CTIF: variants seen among roughly 807,000 people sequenced by gnomAD.
CTIF encodes the protein cap binding complex dependent translation initiation factor, also known as CBP80/20-dependent translation initiation factor.
In CTIF, 21 loss-of-function variants were observed where a neutral mutation model predicts 66.0. That is an observed-to-expected ratio of 0.32 (90% CI 0.23 to 0.46). The LOEUF (loss-of-function observed/expected upper bound fraction) is 0.46, where lower values mean the gene tolerates loss of function less well. Among genes scored for constraint, CTIF ranks in the 20% least tolerant of loss-of-function variants. The pLI is 1.00. For missense variants in CTIF, 739 were observed against 812.7 expected (o/e 0.91, Z 1.10); for synonymous variants, 345 against 326.4 (o/e 1.06, Z -0.62).
chr18:48,781,075 T>G (rs1911165338), intron 9 of CTIF, among the ~76,000 whole-genome samples: 1 of 152,134 alleles, frequency 6.6e-6, no homozygotes, highest in Non-Finnish European at 1.5e-5. Flanking sequence ...TGAGCCCCCC[T>G]CTTCTTGTTG....
chr18:48,783,689 C>T (rs539740627), intron 9 of CTIF, among the ~76,000 whole-genome samples: 14 of 152,326 alleles, frequency 9.2e-5, no homozygotes, highest in African/African-American at 3.4e-4. Flanking sequence ...ACCCCACCTC[C>T]TCTATCCTCT....
chr18:48,579,123 CTTATTA>C (rs138970367), intron 1 of CTIF, among the ~76,000 whole-genome samples: 1 of 151,690 alleles, frequency 6.6e-6, no homozygotes, highest in Non-Finnish European at 1.5e-5. Context: ...ATACTCATAG[CTTATTA>C]TTATTATTAT....
At chr18:48,787,674 C>T (rs1398781056) in intron 9 of CTIF, among the ~76,000 whole-genome samples, 2 of 152,198 alleles carry the variant, frequency 1.3e-5, no homozygotes, top group Non-Finnish European at 2.9e-5. Flanking sequence ...GTGTGTCAGC[C>T]TCATCACGCA....
intron 7 of CTIF, among the ~76,000 whole-genome samples, chr18:48,744,131 C>A (rs1011645426): frequency 1.3e-5 from 2 of 152,188 alleles, no homozygotes; most frequent in Non-Finnish European, 2.9e-5. Context: ...ACCCTTCAGA[C>A]TGTGCCCAGA....
chr18:48,769,433 T>G (rs1410133487), intron 9 of CTIF, among the ~76,000 whole-genome samples: 1 of 152,252 alleles, frequency 6.6e-6, no homozygotes, highest in Non-Finnish European at 1.5e-5. Flanking sequence ...TAAAAATGGC[T>G]GGCATCTGAG....
chr18:48,561,961 A>G (rs146171068), intron 1 of CTIF, among the ~76,000 whole-genome samples: 2 of 152,328 alleles, frequency 1.3e-5, no homozygotes, highest in African/African-American at 4.8e-5. Flanking sequence ...CTGTTTCTTC[A>G]CGTACATCTA....
At chr18:48,741,262 G>C (rs954053416) in intron 7 of CTIF, among the ~76,000 whole-genome samples, 1 of 140,346 alleles carries the variant, frequency 7.1e-6, no homozygotes, top group Non-Finnish European at 1.5e-5. Flanking sequence ...GCCAGGGTCT[G>C]CTCTTTACTC....
At chr18:48,685,532 C>T (rs959144294) in intron 6 of CTIF, among the ~76,000 whole-genome samples, 5 of 152,096 alleles carry the variant, frequency 3.3e-5, no homozygotes, top group Non-Finnish European at 7.4e-5. Context: ...TGAGTATGTG[C>T]ACTTTTTAAG....
At chr18:48,831,632 C>T (rs1471694430) in intron 10 of CTIF, among the ~76,000 whole-genome samples, 1 of 152,210 alleles carries the variant, frequency 6.6e-6, no homozygotes, top group Non-Finnish European at 1.5e-5. Flanking sequence ...CAGAATTCAC[C>T]TATGGAGCAA....
intron 7 of CTIF, among the ~76,000 whole-genome samples, chr18:48,715,492 C>T (rs570735482): frequency 1.3e-5 from 2 of 152,236 alleles, no homozygotes; most frequent in South Asian, 4.1e-4. Context: ...TTGCTTGGAA[C>T]GGGGGCTGCT....
At chr18:48,625,996 C>CTTTTTTTTTTTTTT (rs769138284) in intron 2 of CTIF, among the ~76,000 whole-genome samples, 1 of 114,488 alleles carries the variant, frequency 8.7e-6, no homozygotes, top group Non-Finnish European at 1.8e-5. Context: ...ATTTCTTTTT[C>CTTTTTTTTTTTTTT]TTTCTTTTTT....
At chr18:48,600,940 T>C (rs907537) in intron 1 of CTIF, among the ~76,000 whole-genome samples, 152,066 of 152,292 alleles carry the variant, frequency 1, 75,921 homozygotes, top group Non-Finnish European at 1. Flanking sequence ...ATGTTAAGCT[T>C]GTTGAAATCT....
At chr18:48,813,025 T>C (rs556106153) in intron 9 of CTIF, among the ~76,000 whole-genome samples, 1 of 152,068 alleles carries the variant, frequency 6.6e-6, no homozygotes, top group East Asian at 1.9e-4. Flanking sequence ...AGTCTATTTA[T>C]CTTTGTATTC....
chr18:48,718,507 G>A (rs887734698), intron 7 of CTIF, among the ~76,000 whole-genome samples: 7 of 152,138 alleles, frequency 4.6e-5, no homozygotes, highest in South Asian at 4.1e-4. Context: ...CAGCGTGACC[G>A]TAAGCATACC....
chr18:48,711,414 T>A (rs2145483567), intron 6 of CTIF, among the ~76,000 whole-genome samples: 1 of 152,366 alleles, frequency 6.6e-6, no homozygotes, highest in East Asian at 1.9e-4. Flanking sequence ...TTTGATTCTG[T>A]AATTCCAGCA....
chr18:48,862,809 G>C lies in CTIF; in HGVS notation c.*3250G>C, dbSNP rs1451459604. The C allele has an allele frequency of 6.6e-6, 1 of 152,276 alleles. No homozygotes were observed. The highest frequency in any genetic ancestry group is 1.5e-5 in the Non-Finnish European group (1 of 68,076). The allele number at this position is 152,276 out of a possible 1,614,324, so 9.4% of individuals were successfully genotyped here. On this transcript the variant is annotated 3_prime_UTR_variant, in exon 12 of 12. Transcript: ENST00000256413. ...AGCCCCATGGGGTGCCCCAGACGCG[G>C]GCCTCCAAGAAGCCAAGTCCCAGTC...
intron 1 of CTIF, among the ~76,000 whole-genome samples, chr18:48,548,854 G>T (rs558393874): frequency 6.6e-6 from 1 of 152,380 alleles, no homozygotes; most frequent in Admixed American, 6.5e-5. Flanking sequence ...GGTAAGCCTG[G>T]CAGGGTCCCT....
At chr18:48,785,357 G>A (rs949647478) in intron 9 of CTIF, among the ~76,000 whole-genome samples, 4 of 152,204 alleles carry the variant, frequency 2.6e-5, no homozygotes, top group South Asian at 2.1e-4. Flanking sequence ...TTGGGATGCC[G>A]TTTCACAAAA....
At chr18:48,594,163 C>T (rs535957749) in intron 1 of CTIF, among the ~76,000 whole-genome samples, 2 of 152,016 alleles carry the variant, frequency 1.3e-5, no homozygotes, top group Non-Finnish European at 2.9e-5. Context: ...CCTTTTCCGG[C>T]GGGTCCTGGG....
Sources: gnomAD v4.1 joint callset for allele counts (sites outside exome capture counted in the v4.1 genomes callset) on GRCh38, gnomAD v4.1.1 for gene constraint, MANE v1.5 for transcripts, NCBI Gene and HGNC (gene_info 2026-07-23, HGNC 2026-07-21) for gene names.